Variants in DIPK1A observed in about 807,000 individuals in gnomAD.
DIPK1A encodes the protein family with sequence similarity 69 member A.
In DIPK1A, 27 loss-of-function variants were observed where a neutral mutation model predicts 40.8. The observed-to-expected ratio is 0.66, with a 90% CI of 0.49 to 0.91. DIPK1A has a LOEUF of 0.91. Among genes scored for constraint, DIPK1A ranks in the 40% least tolerant of loss-of-function variants. The probability of loss-of-function intolerance (pLI) is 0.00; values close to 1 mark genes in which losing one functional copy is unlikely to be tolerated. For synonymous variants in DIPK1A, 166 were observed against 171.3 expected, an observed-to-expected ratio of 0.97 and a Z score of 0.24; for missense variants, 412 against 505.7, an observed-to-expected ratio of 0.81 and a Z score of 1.78.
chr1:92,873,767 TG>T (rs780175066), intron 2 of DIPK1A, among the ~76,000 whole-genome samples: 3 of 152,188 alleles, frequency 2.0e-5, no homozygotes, highest in Non-Finnish European at 4.4e-5. Context: ...GCTGGAGTGT[TG>T]TGGCAGGATC....
chr1:92,949,675 AC>A (rs1651549961), intron 1 of DIPK1A, among the ~76,000 whole-genome samples: 1 of 152,220 alleles, frequency 6.6e-6, no homozygotes, highest in South Asian at 2.1e-4. Flanking sequence ...AGGCATAGTA[AC>A]CAGGAAATCC....
chr1:92,955,106 G>A (rs1240282731), intron 1 of DIPK1A, among the ~76,000 whole-genome samples: 1 of 152,194 alleles, frequency 6.6e-6, no homozygotes, highest in Non-Finnish European at 1.5e-5. Context: ...AAAATACTAC[G>A]TGATTCCAAC....
At chr1:92,878,713 G>A (rs1389988987) in intron 1 of DIPK1A, among the ~76,000 whole-genome samples, 1 of 152,084 alleles carries the variant, frequency 6.6e-6, no homozygotes, top group South Asian at 2.1e-4. Context: ...CCAGCTACTC[G>A]GGAGTCTGAG....
At chr1:92,925,054 T>C (rs976870118) in intron 1 of DIPK1A, among the ~76,000 whole-genome samples, 6 of 152,252 alleles carry the variant, frequency 3.9e-5, no homozygotes, top group Non-Finnish European at 7.3e-5. Flanking sequence ...CTGTGTCTAT[T>C]GAGATGGCCA....
intron 1 of DIPK1A, among the ~76,000 whole-genome samples, chr1:92,926,625 T>A (rs907371262): frequency 2.6e-5 from 4 of 152,238 alleles, no homozygotes; most frequent in African/African-American, 9.6e-5. Flanking sequence ...TCTCCAAGTA[T>A]GACTGTGGAC....
chr1:92,899,856 G>T (rs1477842850), intron 1 of DIPK1A, among the ~76,000 whole-genome samples: 1 of 151,906 alleles, frequency 6.6e-6, no homozygotes, highest in Admixed American at 6.6e-5. Flanking sequence ...TTGCTTATCT[G>T]GGAAACACTT....
At chr1:92,859,896 G>A (rs1688110162) in intron 2 of DIPK1A, among the ~76,000 whole-genome samples, 1 of 152,070 alleles carries the variant, frequency 6.6e-6, no homozygotes. Flanking sequence ...GAGATGGTGT[G>A]TCAATTTGTT....
intron 2 of DIPK1A, 122 bp from the exon 3 acceptor site, chr1:92,851,077 G>C (rs754675988): frequency 2.4e-4 from 158 of 646,114 alleles, no homozygotes; most frequent in Middle Eastern, 1.7e-3. Flanking sequence ...TTTGGACTTA[G>C]ACAGACCTGG....
At position 92,923,850 on chromosome 1, in the gene DIPK1A, T is replaced by G. The variant is rs527515241; in HGVS notation, c.54+37526A>C. Among the ~76,000 whole-genome samples the G allele has an allele frequency of 7.6e-4, 116 of 152,288 alleles. 1 individual carries two copies. The highest frequency in any genetic ancestry group is 4.3e-3 in the South Asian group (21 of 4,830). ...CTAAACTCAAATCCAACCATCAGGC[T>G]TAGTGTTACACAGAAATGATGGAAT... On this transcript the variant is annotated intron_variant, in intron 1 of 4. Coordinates refer to ENST00000370310, the MANE Select transcript of DIPK1A (RefSeq NM_001006605.5).
chr1:92,905,928 A>C (rs1416810472), intron 1 of DIPK1A, among the ~76,000 whole-genome samples: 1 of 152,008 alleles, frequency 6.6e-6, no homozygotes, highest in South Asian at 2.1e-4. Context: ...AAACGAGTTC[A>C]CTGTAGATGT....
intron 1 of DIPK1A, among the ~76,000 whole-genome samples, chr1:92,890,020 C>A (rs1648787171): frequency 6.6e-6 from 1 of 151,164 alleles, no homozygotes; most frequent in African/African-American, 2.4e-5. Flanking sequence ...TTGTAGAGAT[C>A]TTTCATCTCC....
At chr1:92,957,797 G>C (rs1651910285) in intron 1 of DIPK1A, among the ~76,000 whole-genome samples, 1 of 152,176 alleles carries the variant, frequency 6.6e-6, no homozygotes. Context: ...GTAGGTTTTA[G>C]TATATTCACA....
intron 1 of DIPK1A, among the ~76,000 whole-genome samples, chr1:92,935,016 CA>C (rs1406555105): frequency 2.0e-5 from 3 of 152,230 alleles, no homozygotes; most frequent in African/African-American, 7.2e-5. Context: ...TTCTCACATT[CA>C]GCAACAGTGA....
At position 92,843,713 on chromosome 1, in the gene DIPK1A, C is replaced by CTT; in HGVS notation, c.956_957insAA (p.Thr320ArgfsTer4). On this transcript the variant is annotated frameshift_variant, in exon 5 of 5. Transcript: ENST00000370310. LOFTEE classifies it high-confidence loss of function. Reference sequence around the variant, plus strand: ...CCTTAATAAGTTCTTTCAGGTTTGTCTCTGGCACAATTTTTCTCATATCCA... The same window carrying CTT: ...CCTTAATAAGTTCTTTCAGGTTTGTCTTTCTGGCACAATTTTTCTCATATCCA... The CTT allele has an allele frequency of 1.3e-6, 2 of 1,551,728 alleles. No homozygotes were observed. Among genetic ancestry groups the CTT allele is most frequent in the Non-Finnish European group, 1.7e-6 (2 of 1,146,996 alleles).
At chr1:92,837,783 G>T, downstream of DIPK1A, 1 of 691,510 alleles carries the variant, frequency 1.4e-6, no homozygotes, top group Non-Finnish European at 2.5e-6. Flanking sequence ...TCTTTTAGAT[G>T]CTCAAGTGTG....
At chr1:92,904,067 T>C (rs781474835) in intron 1 of DIPK1A, among the ~76,000 whole-genome samples, 6 of 152,230 alleles carry the variant, frequency 3.9e-5, no homozygotes, top group Non-Finnish European at 7.3e-5. Context: ...TAATCCAAAA[T>C]TGTCTTCTCA....
At chr1:92,876,481 T>C (rs556315350) in intron 1 of DIPK1A, 51 bp from the exon 2 acceptor site, 2 of 1,598,640 alleles carry the variant, frequency 1.3e-6, no homozygotes, top group African/African-American at 1.3e-5. Flanking sequence ...CAAATCAGCA[T>C]TCAATGTCCT....
At chr1:92,940,000 A>G (rs1044357040) in intron 1 of DIPK1A, among the ~76,000 whole-genome samples, 4 of 152,150 alleles carry the variant, frequency 2.6e-5, no homozygotes, top group African/African-American at 9.7e-5. Context: ...CATTTATACT[A>G]TAACTAATCC....
Position 92,888,065 on chromosome 1 carries a change from T to C in DIPK1A, c.55-11635A>G, listed in dbSNP as rs1362417416. 2.6e-5 allele frequency among the ~76,000 whole-genome samples: 4 copies of C among 152,054 alleles called. No homozygotes were observed. The South Asian group carries it at 6.2e-4, about 24-fold the overall frequency. On this transcript the variant is annotated intron_variant, in intron 1 of 4. Coordinates refer to ENST00000370310, the MANE Select transcript of DIPK1A (RefSeq NM_001006605.5). ...ACATTCAAAATCCTCTCCTCTACTA[T>C]TGGAAAATATACAATGAATTGTTAA...
Sources: gnomAD v4.1 joint callset for allele counts (sites outside exome capture counted in the v4.1 genomes callset) on GRCh38, gnomAD v4.1.1 for gene constraint, MANE v1.5 for transcripts, NCBI Gene and HGNC (gene_info 2026-07-23, HGNC 2026-07-21) for gene names.